LRIG1: variants seen among roughly 807,000 people sequenced by gnomAD.
LRIG1 encodes leucine-rich repeats and immunoglobulin-like domains protein 1.
A neutral mutation model predicts 99.2 loss-of-function variants in LRIG1; 48 were observed. The observed-to-expected ratio is 0.48, with a 90% CI of 0.38 to 0.62. The LOEUF is 0.62. LRIG1 is among the 20% of genes least tolerant of loss of function. LRIG1 has a pLI of 0.00. For missense variants in LRIG1, 1,646 were observed against 1,434.4 expected (o/e 1.15, Z -2.38); for synonymous variants, 772 against 596.1 (o/e 1.29, Z -4.30).
At chr3:66,491,429 G>A (rs1459779055) in intron 1 of LRIG1, among the ~76,000 whole-genome samples, 1 of 152,046 alleles carries the variant, frequency 6.6e-6, no homozygotes, top group Non-Finnish European at 1.5e-5. Flanking sequence ...TCTGGCAGAG[G>A]ACTAGCACAA....
chr3:66,408,971 A>AGGGGGGGG (rs1246604196), intron 7 of LRIG1, among the ~76,000 whole-genome samples: 2 of 25,822 alleles, frequency 7.7e-5, no homozygotes, highest in African/African-American at 1.7e-4. Context: ...TGGTGGGGGG[A>AGGGGGGGG]GGGGGGGAGG....
At chr3:66,433,164 G>A (rs9819845) in intron 3 of LRIG1, among the ~76,000 whole-genome samples, 5,244 of 152,252 alleles carry the variant, frequency 0.034, 295 homozygotes, top group African/African-American at 0.12. Context: ...AAACTTGTTC[G>A]CTCATTGCTT....
In LRIG1 at chr3:66,407,468, G is replaced by A; in HGVS notation, c.959C>T (p.Thr320Ile). 6.2e-7 allele frequency: 1 copy of A among 1,614,072 alleles called. No homozygotes were observed. Among genetic ancestry groups the A allele is most frequent in the East Asian group, 2.2e-5 (1 of 44,872 alleles). ...HELVLSFNNL[T>I]RLDEESLAEL... ...GGCCAGGCTCTCCTCGTCCAGCCGT[G>A]TCAGGTTGTTGAAGGACAGGACCCT... is the stretch of plus-strand genomic sequence containing the variant. Residue 320 changes from threonine to isoleucine, a missense_variant, in exon 8 of 19, where the codon ACA becomes ATA. Thr to Ile is a moderately conservative substitution (Grantham distance 89). Transcript: ENST00000273261.
chr3:66,492,042 T>C (rs1701112910), intron 1 of LRIG1, among the ~76,000 whole-genome samples: 2 of 152,342 alleles, frequency 1.3e-5, no homozygotes, highest in African/African-American at 4.8e-5. Context: ...TGCAACAGCT[T>C]ACTTTCTAAT....
chr3:66,408,964 T>TGTG (rs1575668634), intron 7 of LRIG1, among the ~76,000 whole-genome samples: 1 of 17,310 alleles, frequency 5.8e-5, no homozygotes, highest in Non-Finnish European at 1.1e-4. Flanking sequence ...GTGTGTGTGG[T>TGTG]GGGGGGAGGG....
intron 9 of LRIG1, among the ~76,000 whole-genome samples, chr3:66,399,960 A>G (rs971803390): frequency 1.3e-5 from 2 of 152,182 alleles, no homozygotes; most frequent in Non-Finnish European, 2.9e-5. Context: ...CCTGCCTACG[A>G]GAGGGACCCC....
At chr3:66,381,928 G>A (rs1308014082) in intron 16 of LRIG1, among the ~76,000 whole-genome samples, 1 of 151,910 alleles carries the variant, frequency 6.6e-6, no homozygotes, top group South Asian at 2.1e-4. Flanking sequence ...TGTAAGACTG[G>A]ATCACAGAGC....
In LRIG1 at chr3:66,449,779, C is replaced by T. The variant is rs539383970; in HGVS notation, c.365+1780G>A. On this transcript the variant is annotated intron_variant, in intron 3 of 18. Transcript: ENST00000273261. ...AGGCTCAGTTTCCTCTCTGACAACA[C>T]AGAGATATTCTCTGTGGCCCTAGCT... Among the ~76,000 whole-genome samples the T allele has an allele frequency of 4.6e-5, 7 of 152,300 alleles. No individual in the cohort carries two copies. The East Asian group carries it at 1.4e-3, about 29-fold the overall frequency.
chr3:66,408,973 G>C (rs951910600), intron 7 of LRIG1, among the ~76,000 whole-genome samples: 26 of 134,936 alleles, frequency 1.9e-4, no homozygotes, highest in Non-Finnish European at 3.3e-4. Context: ...GTGGGGGGAG[G>C]GGGGGAGGAG....
At chr3:66,415,157 G>T (rs1702583515) in intron 4 of LRIG1, 94 bp from the exon 5 acceptor site, 4 of 1,300,898 alleles carry the variant, frequency 3.1e-6, no homozygotes, top group African/African-American at 1.5e-5. Flanking sequence ...GAGTTGGGAA[G>T]ATGAGTTAAG....
At chr3:66,499,201 T>G (rs1321824497) in intron 1 of LRIG1, among the ~76,000 whole-genome samples, 1 of 18,940 alleles carries the variant, frequency 5.3e-5, no homozygotes, top group Non-Finnish European at 1.7e-3. Flanking sequence ...TCTACCATGT[T>G]TACACAGAAG....
chr3:66,397,788 G>C (rs372772767), intron 11 of LRIG1, among the ~76,000 whole-genome samples: 54 of 152,342 alleles, frequency 3.5e-4, no homozygotes, highest in African/African-American at 1.3e-3. Flanking sequence ...AATTGAAGGG[G>C]TGATTATCCA....
At chr3:66,423,207 A>G (rs1702873764) in intron 3 of LRIG1, among the ~76,000 whole-genome samples, 1 of 152,230 alleles carries the variant, frequency 6.6e-6, no homozygotes, top group African/African-American at 2.4e-5. Context: ...ATTTAACACC[A>G]TTGAACTCCA....
At chr3:66,382,615 C>T (rs928499706) in intron 15 of LRIG1, among the ~76,000 whole-genome samples, 4 of 152,210 alleles carry the variant, frequency 2.6e-5, no homozygotes, top group South Asian at 2.1e-4. Context: ...AGATGCCAGA[C>T]GCCACAAGAA....
At chr3:66,418,890 G>C (rs1702709715) in intron 3 of LRIG1, among the ~76,000 whole-genome samples, 1 of 151,894 alleles carries the variant, frequency 6.6e-6, no homozygotes, top group South Asian at 2.1e-4. Flanking sequence ...AACCTCCCCG[G>C]CATGAAAGGA....
In LRIG1 at chr3:66,500,927, G is replaced by C. The variant is rs1004610399; in HGVS notation, c.-520C>G. 5.9e-5 allele frequency: 9 copies of C among 151,590 alleles called. No homozygotes were observed. The highest frequency in any genetic ancestry group is 2.1e-4 in the South Asian group (1 of 4,828). The allele number at this position is 151,590 out of a possible 1,614,324, so 9.4% of individuals were successfully genotyped here. Reference sequence around the variant, plus strand: ...CCTCGCTGTCCCCACGCCGCGGCCAGAGAGCGCGCGCGCGCGCGCAGCCTC... The same window carrying C: ...CCTCGCTGTCCCCACGCCGCGGCCACAGAGCGCGCGCGCGCGCGCAGCCTC... On this transcript the variant is annotated 5_prime_UTR_variant, in exon 1 of 19. Coordinates refer to ENST00000273261, the MANE Select transcript of LRIG1 (RefSeq NM_015541.3).
In LRIG1 at chr3:66,500,992, G is replaced by C. The variant is rs1375454678; in HGVS notation, c.-585C>G. 6.6e-6 allele frequency: 1 copy of C among 152,174 alleles called. No individual in the cohort carries two copies. The highest frequency in any genetic ancestry group is 2.1e-4 in the South Asian group (1 of 4,842). The allele number at this position is 152,174 out of a possible 1,614,324, so 9.4% of individuals were successfully genotyped here. A position where few individuals can be genotyped will look rare whatever the true frequency, so the allele number is the denominator to read the frequency against. On this transcript the variant is annotated 5_prime_UTR_variant, in exon 1 of 19. Coordinates refer to ENST00000273261, the MANE Select transcript of LRIG1 (RefSeq NM_015541.3). ...TCCTCCGCGCAGCAAGAGTCCCGCC[G>C]ACCTCGCAGCCGAACAATCAGCCGC...
At chr3:66,380,552 C>T (rs973834126) in intron 18 of LRIG1, 25 bp downstream of exon 18, 1 of 1,613,362 alleles carries the variant, frequency 6.2e-7, no homozygotes. Flanking sequence ...CCCAACCCAC[C>T]TGTTAGAAGA....
intron 2 of LRIG1, among the ~76,000 whole-genome samples, chr3:66,454,212 C>G (rs956567211): frequency 6.6e-6 from 1 of 152,188 alleles, no homozygotes; most frequent in Non-Finnish European, 1.5e-5. Flanking sequence ...CAGAGTAAGT[C>G]TGTTAGCTCC....
Sources: gnomAD v4.1 joint callset for allele counts (sites outside exome capture counted in the v4.1 genomes callset) on GRCh38, gnomAD v4.1.1 for gene constraint, MANE v1.5 for transcripts, NCBI Gene and HGNC (gene_info 2026-07-23, HGNC 2026-07-21) for gene names.